Variants in HYCC1 observed in about 807,000 individuals in gnomAD.
HYCC1 encodes the protein hyccin.
the HYCC1 span, among the ~76,000 whole-genome samples, chr7:23,005,713 T>C: frequency 6.6e-6 from 1 of 152,228 alleles, no homozygotes; most frequent in East Asian, 1.9e-4. Context: ...GTTGTTCTTC[T>C]GTAACCTGAA....
At chr7:22,985,166 C>T in the HYCC1 span, among the ~76,000 whole-genome samples, 249 of 152,328 alleles carry the variant, frequency 1.6e-3, no homozygotes, top group African/African-American at 5.7e-3. Context: ...ATTCCTAACT[C>T]ACTCTAAACA....
chr7:22,904,588 A>G, the HYCC1 span, among the ~76,000 whole-genome samples: 1 of 152,052 alleles, frequency 6.6e-6, no homozygotes, highest in East Asian at 1.9e-4. Context: ...ATTTTATACA[A>G]GTCACCATCT....
the HYCC1 span, among the ~76,000 whole-genome samples, chr7:22,970,903 G>T: frequency 6.6e-6 from 1 of 152,160 alleles, no homozygotes; most frequent in Admixed American, 6.6e-5. Context: ...AAACATAAGG[G>T]TATGTCCTTA....
At chr7:22,981,473 G>A in the HYCC1 span, among the ~76,000 whole-genome samples, 1 of 152,134 alleles carries the variant, frequency 6.6e-6, no homozygotes, top group Non-Finnish European at 1.5e-5. Flanking sequence ...AAATGTTAAA[G>A]TAGATTACAC....
the HYCC1 span, among the ~76,000 whole-genome samples, chr7:22,979,187 T>C: frequency 6.6e-6 from 1 of 152,162 alleles, no homozygotes; most frequent in East Asian, 1.9e-4. Context: ...ATAATGGTAA[T>C]GAACAAAAAC....
At chr7:22,992,073 A>G in the HYCC1 span, among the ~76,000 whole-genome samples, 4 of 152,072 alleles carry the variant, frequency 2.6e-5, no homozygotes, top group African/African-American at 9.7e-5. Flanking sequence ...TACATTTTAA[A>G]ATGCAAATAA....
the HYCC1 span, among the ~76,000 whole-genome samples, chr7:22,916,491 G>C: frequency 1.3e-5 from 2 of 152,142 alleles, no homozygotes; most frequent in African/African-American, 4.8e-5. Flanking sequence ...CAAAGTACAG[G>C]GCCGTGCAGT....
the HYCC1 span, among the ~76,000 whole-genome samples, chr7:22,905,386 AT>A: frequency 0.014 from 635 of 44,456 alleles, 3 homozygotes; most frequent in African/African-American, 0.052. Flanking sequence ...CTAATTTTGT[AT>A]TTTTTTTTTT....
the HYCC1 span, among the ~76,000 whole-genome samples, chr7:22,898,338 T>G: frequency 6.6e-6 from 1 of 150,718 alleles, no homozygotes; most frequent in African/African-American, 2.4e-5. Flanking sequence ...CTCAGCCTCC[T>G]GAGTAGCTAG....
At chr7:22,916,172 T>C in the HYCC1 span, among the ~76,000 whole-genome samples, 18 of 152,268 alleles carry the variant, frequency 1.2e-4, no homozygotes, top group African/African-American at 3.9e-4. Context: ...TTTTAAAGCC[T>C]ATAAACTCTC....
At chr7:22,909,732 C>T in the HYCC1 span, among the ~76,000 whole-genome samples, 1 of 152,170 alleles carries the variant, frequency 6.6e-6, no homozygotes, top group Non-Finnish European at 1.5e-5. Flanking sequence ...ATACTTCTTT[C>T]CCCGGACCCT....
At chr7:22,924,997 A>C in the HYCC1 span, among the ~76,000 whole-genome samples, 1 of 152,166 alleles carries the variant, frequency 6.6e-6, no homozygotes, top group Non-Finnish European at 1.5e-5. Flanking sequence ...CCAGAGGAAC[A>C]ATCAGGCAGC....
chr7:22,991,147 T>A, the HYCC1 span: 3 of 1,559,600 alleles, frequency 1.9e-6, no homozygotes, highest in Admixed American at 3.3e-5. Context: ...AACCTGAAAA[T>A]TAACATAGAA....
chr7:22,978,184 A>G, the HYCC1 span: 6 of 1,250,556 alleles, frequency 4.8e-6, no homozygotes, highest in Non-Finnish European at 6.9e-6. Flanking sequence ...AACAAACACT[A>G]GCTTTATTAA....
the HYCC1 span, chr7:22,936,462 G>C: frequency 1.3e-5 from 2 of 152,208 alleles, no homozygotes; most frequent in Non-Finnish European, 2.9e-5. Context: ...GAGATTTACT[G>C]ATATCCTCAA....
chr7:22,901,766 T>C, the HYCC1 span, among the ~76,000 whole-genome samples: 1 of 151,338 alleles, frequency 6.6e-6, no homozygotes, highest in Non-Finnish European at 1.5e-5. Context: ...TAACAGAACC[T>C]CAAAATACAT....
the HYCC1 span, among the ~76,000 whole-genome samples, chr7:22,961,874 T>C: frequency 6.6e-6 from 1 of 151,982 alleles, no homozygotes; most frequent in African/African-American, 2.4e-5. Flanking sequence ...TGTGTGTGCA[T>C]GTGTGAGTGT....
the HYCC1 span, among the ~76,000 whole-genome samples, chr7:22,986,761 T>A: frequency 6.6e-6 from 1 of 152,098 alleles, no homozygotes; most frequent in Non-Finnish European, 1.5e-5. Flanking sequence ...GGCAGGAGAA[T>A]CGCTTGAACC....
chr7:22,988,491 T>C, the HYCC1 span, among the ~76,000 whole-genome samples: 2 of 152,184 alleles, frequency 1.3e-5, no homozygotes, highest in South Asian at 4.1e-4. Context: ...CATACTCTGG[T>C]TTCTTGTAGT....
Sources: allele counts gnomAD v4.1 joint callset (sites outside exome capture counted in the v4.1 genomes callset), GRCh38; gene constraint gnomAD v4.1.1; transcripts MANE v1.5; gene names NCBI Gene and HGNC (gene_info 2026-07-23, HGNC 2026-07-21).